Variants in PRKN observed in about 807,000 individuals in gnomAD.
PRKN encodes E3 ubiquitin-protein ligase parkin.
A neutral mutation model predicts 59.5 loss-of-function variants in PRKN; 56 were observed. That is an observed-to-expected ratio of 0.94 (90% confidence interval 0.76 to 1.18). The LOEUF (loss-of-function observed/expected upper bound fraction) is 1.18. PRKN is among the 50% of genes most tolerant of loss of function. The probability of loss-of-function intolerance (pLI) is 0.00; values close to 1 mark genes in which losing one functional copy is unlikely to be tolerated. For missense variants in PRKN, 657 were observed against 596.4 expected (o/e 1.10, Z -1.06); for synonymous variants, 250 against 222.1 (o/e 1.13, Z -1.12).
chr6:161,916,339 T>G (rs527709830), intron 6 of PRKN, among the ~76,000 whole-genome samples: 1 of 152,268 alleles, frequency 6.6e-6, no homozygotes, highest in African/African-American at 2.4e-5. Flanking sequence ...AATAAAAAAT[T>G]TTTCTAATTA....
At chr6:161,723,268 CAA>C (rs922966591) in intron 7 of PRKN, among the ~76,000 whole-genome samples, 11 of 126,830 alleles carry the variant, frequency 8.7e-5, no homozygotes, top group East Asian at 2.2e-4. Flanking sequence ...GACTCCCTCT[CAA>C]AAAAAAAAAA....
At position 161,366,747 on chromosome 6, in the gene PRKN, G is replaced by A. The variant is rs141827621; in HGVS notation, c.1168-6542C>T. Among the ~76,000 whole-genome samples, 3 of 152,130 alleles carry A rather than the reference G, an allele frequency of 2.0e-5. No individual in the cohort carries two copies. The East Asian group carries it at 5.8e-4, about 29-fold the overall frequency. On this transcript the variant is annotated intron_variant, in intron 10 of 11. Coordinates refer to ENST00000366898, the MANE Select transcript of PRKN (RefSeq NM_004562.3). ...GTTCAAACTGTGTTCAAATGAGGCC[G>A]ACACCAACTTGTAACCAGCCCGGGT...
intron 1 of PRKN, among the ~76,000 whole-genome samples, chr6:162,594,498 G>C (rs1245576227): frequency 6.6e-6 from 1 of 151,984 alleles, no homozygotes; most frequent in Non-Finnish European, 1.5e-5. Context: ...ACTTCTATTG[G>C]ATTTTATTGT....
intron 7 of PRKN, among the ~76,000 whole-genome samples, chr6:161,636,859 G>T (rs1326640744): frequency 6.6e-6 from 1 of 152,160 alleles, no homozygotes; most frequent in African/African-American, 2.4e-5. Flanking sequence ...GCAGGAGGAG[G>T]GATGACCGGC....
intron 9 of PRKN, among the ~76,000 whole-genome samples, chr6:161,398,830 G>A (rs116330781): frequency 8.1e-4 from 124 of 152,228 alleles, no homozygotes; most frequent in African/African-American, 2.9e-3. Flanking sequence ...GGTGCAGGTT[G>A]TAGTGAGGAG....
chr6:162,153,734 T>C (rs1048383576), intron 4 of PRKN, among the ~76,000 whole-genome samples: 2 of 152,116 alleles, frequency 1.3e-5, no homozygotes, highest in Non-Finnish European at 2.9e-5. Context: ...CGAAGTCAGG[T>C]TGTCTCTCTT....
At chr6:162,300,146 A>G (rs373294223) in intron 2 of PRKN, among the ~76,000 whole-genome samples, 1 of 152,206 alleles carries the variant, frequency 6.6e-6, no homozygotes, top group Non-Finnish European at 1.5e-5. Context: ...AGTGCTATAC[A>G]TACACAATTA....
chr6:162,556,358 T>TGTGTGTGTGTGTGTGTGTGC (rs1562381859), intron 1 of PRKN, among the ~76,000 whole-genome samples: 1 of 72,440 alleles, frequency 1.4e-5, no homozygotes, highest in East Asian at 9.2e-4. Context: ...TGTGTGTGTG[T>TGTGTGTGTGTGTGTGTGTGC]GTGTGTGTGT....
At chr6:162,155,708 A>G (rs1005855209) in intron 4 of PRKN, among the ~76,000 whole-genome samples, 4 of 152,172 alleles carry the variant, frequency 2.6e-5, no homozygotes, top group South Asian at 4.1e-4. Context: ...ACTTGCCTTC[A>G]TCCAATTCTA....
chr6:161,968,596 C>G (rs1165853228), intron 6 of PRKN, among the ~76,000 whole-genome samples: 1 of 152,128 alleles, frequency 6.6e-6, no homozygotes, highest in Non-Finnish European at 1.5e-5. Context: ...TAAATTAATA[C>G]TATCCTCCGA....
intron 9 of PRKN, among the ~76,000 whole-genome samples, chr6:161,500,316 AC>A (rs1300750405): frequency 6.6e-6 from 1 of 152,054 alleles, no homozygotes; most frequent in Non-Finnish European, 1.5e-5. Context: ...ACACATCATC[AC>A]CCAAAGTCCT....
chr6:161,580,677 C>A (rs536078842), intron 7 of PRKN, among the ~76,000 whole-genome samples: 1 of 151,968 alleles, frequency 6.6e-6, no homozygotes, highest in South Asian at 2.1e-4. Flanking sequence ...TGGGATTTCA[C>A]CGTGTTAGGA....
At chr6:162,213,832 C>G (rs1402936658) in intron 3 of PRKN, among the ~76,000 whole-genome samples, 8 of 148,912 alleles carry the variant, frequency 5.4e-5, no homozygotes, top group Admixed American at 4.0e-4. Context: ...CACACACACA[C>G]ACACACACAC....
chr6:161,756,722 C>T (rs1788943222), intron 7 of PRKN, among the ~76,000 whole-genome samples: 1 of 151,948 alleles, frequency 6.6e-6, no homozygotes, highest in Admixed American at 6.6e-5. Context: ...GGAGGCAAGT[C>T]CCAGCAACCT....
At chr6:162,574,925 T>C (rs201087777) in intron 1 of PRKN, among the ~76,000 whole-genome samples, 1 of 151,878 alleles carries the variant, frequency 6.6e-6, no homozygotes, top group African/African-American at 2.4e-5. Flanking sequence ...AGTTGAGTTT[T>C]CCCCTTTCAC....
chr6:161,617,570 G>A (rs1222899859), intron 7 of PRKN, among the ~76,000 whole-genome samples: 1 of 152,222 alleles, frequency 6.6e-6, no homozygotes, highest in Non-Finnish European at 1.5e-5. Flanking sequence ...CAGTGTATGG[G>A]ACCAGGAACT....
chr6:162,336,635 G>C (rs182849077), intron 2 of PRKN, among the ~76,000 whole-genome samples: 1 of 152,320 alleles, frequency 6.6e-6, no homozygotes, highest in Admixed American at 6.5e-5. Context: ...CGGGACGCAG[G>C]TGCTGCAGGT....
chr6:161,726,253 G>A (rs148119812), intron 7 of PRKN, among the ~76,000 whole-genome samples: 2 of 152,322 alleles, frequency 1.3e-5, no homozygotes, highest in African/African-American at 4.8e-5. Flanking sequence ...ATCATTCAAT[G>A]TGTTTCTGGA....
intron 7 of PRKN, among the ~76,000 whole-genome samples, chr6:161,709,984 T>C (rs1215122612): frequency 6.6e-6 from 1 of 152,160 alleles, no homozygotes; most frequent in Non-Finnish European, 1.5e-5. Flanking sequence ...CAGTGCTTCA[T>C]GGAGATTTCA....
Sources: allele counts gnomAD v4.1 joint callset (sites outside exome capture counted in the v4.1 genomes callset), GRCh38; gene constraint gnomAD v4.1.1; transcripts MANE v1.5; gene names NCBI Gene and HGNC (gene_info 2026-07-23, HGNC 2026-07-21).